Variants in SLC39A3 observed in about 807,000 individuals in gnomAD.
SLC39A3 encodes the protein solute carrier family 39 member 3, also known as zinc transporter ZIP3.
Under a neutral mutation model 5.1 loss-of-function variants are expected in SLC39A3, and 3 were observed. The observed-to-expected ratio is 0.59, with a 90% CI of 0.27 to 1.54. SLC39A3 has a LOEUF of 1.54. Among genes scored for constraint, SLC39A3 ranks in the 40% most tolerant of loss-of-function variants. The probability of loss-of-function intolerance (pLI) is 0.12; values close to 1 mark genes in which losing one functional copy is unlikely to be tolerated. For missense variants in SLC39A3, 412 were observed against 436.4 expected (o/e 0.94, Z 0.50); for synonymous variants, 250 against 218.8 (o/e 1.14, Z -1.26).
chr19:2,732,844 C>T lies in SLC39A3; in HGVS notation c.852G>A (p.Lys284=), dbSNP rs765104413. The change falls in exon 3 of 3, where the codon AAG becomes AAA. Residue 284 remains lysine (K), a synonymous_variant. Transcript: ENST00000269740. The stretch of plus-strand genomic sequence containing the variant: ...GACGGTCACTCTTCTCCTCCAGCTC[C>T]TTGGCCAGGATCTCCAGGAAGGTGA... The part of the protein sequence containing the change: ...LFITFLEILA[K]ELEEKSDRLL... 26 of 1,611,960 alleles carry T rather than the reference C, an allele frequency of 1.6e-5. No homozygotes were observed. The highest frequency in any genetic ancestry group is 2.2e-5 in the Non-Finnish European group (26 of 1,179,448).
In SLC39A3 at chr19:2,733,042, G is replaced by A. The variant is rs1486120310; in HGVS notation, c.654C>T (p.Ser218=). The A allele has an allele frequency of 1.2e-6, 2 of 1,609,460 alleles. No homozygotes were observed. The highest frequency in any genetic ancestry group is 1.7e-5 in the Admixed American group (1 of 59,724). Residue 218 remains serine, a synonymous_variant, in exon 3 of 3, where the codon AGC becomes AGT. Coordinates refer to ENST00000269740, the MANE Select transcript of SLC39A3 (RefSeq NM_144564.5). This position sits in a 1 kb window ranked among gnomAD's most constrained non-coding sequence, Gnocchi z 6.1. ...ETLVAVALGI[S]MARSAMPLRD... Reference sequence around the variant, plus strand: ...GCAGGGGCATGGCACTCCGGGCCATGCTGATGCCCAGGGCCACGGCCACCA... The same window carrying A: ...GCAGGGGCATGGCACTCCGGGCCATACTGATGCCCAGGGCCACGGCCACCA...
rs1456897282 is a variant in SLC39A3, at chr19:2,737,068, G to A, written c.190C>T (p.Leu64=). The change falls in exon 2 of 3, where the codon CTG becomes TTG. Residue 64 remains leucine (L), a synonymous_variant. Transcript: ENST00000269740. ...CTTACCTTTTCCCTCACAGCGGGCA[G>A]CAGAGCGTTGAAGCACGTGGCCAGA... The part of the protein sequence containing the change: ...VFLATCFNAL[L]PAVREKLQKV... The A allele has an allele frequency of 1.2e-6, 2 of 1,614,156 alleles. No homozygotes were observed.
upstream of SLC39A3, chr19:2,740,044 C>G (rs1232701500): frequency 6.6e-6 from 1 of 152,282 alleles, no homozygotes; most frequent in African/African-American, 2.4e-5. Context: ...CCGCTCGGCG[C>G]GGCTGGTCCA....
intron 1 of SLC39A3, chr19:2,739,610 T>G (rs1379624721): frequency 6.6e-6 from 1 of 152,216 alleles, no homozygotes; most frequent in Admixed American, 6.5e-5. Context: ...GACCAGGCTG[T>G]CTGTCTTGCT....
In SLC39A3 at chr19:2,739,949, C is replaced by G. The variant is rs974782442; in HGVS notation, c.-127G>C. The G allele has an allele frequency of 6.6e-6, 1 of 152,440 alleles. No individual in the cohort carries two copies. Among genetic ancestry groups the G allele is most frequent in the East Asian group, 1.9e-4 (1 of 5,210 alleles). The allele number at this position is 152,440 out of a possible 1,614,324, so 9.4% of individuals were successfully genotyped here. A position where few individuals can be genotyped will look rare whatever the true frequency, so the allele number is the denominator to read the frequency against. ...CCTCTCTCTGCCCGCACCTACCTCC[C>G]GGGGGCCCCTCGTCCGCCGACTGGC... On this transcript the variant is annotated 5_prime_UTR_variant, in exon 1 of 3. Transcript: ENST00000269740.
rs1219050709 is a variant in SLC39A3 at position 2,732,529 on chromosome 19, TA to T, written c.*221del. 7.0e-7 allele frequency: 1 copy of T among 1,430,606 alleles called. No homozygotes were observed. Among genetic ancestry groups the T allele is most frequent in the Non-Finnish European group, 9.1e-7 (1 of 1,097,248 alleles). The allele number at this position is 1,430,606 out of a possible 1,614,324, so 88.6% of individuals were successfully genotyped here. ...GGTTGACATGGCCACACAGCTTTGG[TA>T]AAGACTTTTAAGAGAAAGAAGTATT... On this transcript the variant is annotated 3_prime_UTR_variant, in exon 3 of 3. Transcript: ENST00000269740.
In SLC39A3 at chr19:2,737,111, G is replaced by T; in HGVS notation, c.147C>A (p.Thr49=). ...RSKKILSLCN[T]FGGGVFLATC... ...TGGCCAGAAACACCCCTCCTCCAAA[G>T]GTGTTGCAGAGAGAGAGGATCTTTT... Residue 49 remains threonine, a synonymous_variant, in exon 2 of 3, where the codon ACC becomes ACA. Coordinates refer to ENST00000269740, the MANE Select transcript of SLC39A3 (RefSeq NM_144564.5). 6.2e-7 allele frequency: 1 copy of T among 1,614,160 alleles called. No homozygotes were observed.
rs773841412 is a variant in SLC39A3, at chr19:2,737,263, C to T, written c.-6G>A. The stretch of plus-strand genomic sequence containing the variant: ...GCCACTAGCAATTTCACCATGGTGG[C>T]GGCTTGGGCTGCTCTGGTCACTGCA... On this transcript the variant is annotated 5_prime_UTR_variant, in exon 2 of 3. Transcript: ENST00000269740. The T allele has an allele frequency of 2.9e-5, 47 of 1,607,534 alleles. No individual in the cohort carries two copies. The highest frequency in any genetic ancestry group is 5.3e-5 in the African/African-American group (4 of 74,776).
rs1437331617 is a variant in SLC39A3 at position 2,735,791 on chromosome 19, C to A, written c.210+1257G>T. 1 of 977,056 alleles carries A rather than the reference C, an allele frequency of 1.0e-6. No individual in the cohort carries two copies. The highest frequency in any genetic ancestry group is 1.2e-6 in the Non-Finnish European group (1 of 822,398). 60.5% of individuals were successfully genotyped at this position (977,056 alleles called of 1,614,324 possible). A position where few individuals can be genotyped will look rare whatever the true frequency, so the allele number is the denominator to read the frequency against. On this transcript the variant is annotated intron_variant, in intron 2 of 2. Coordinates refer to ENST00000269740, the MANE Select transcript of SLC39A3 (RefSeq NM_144564.5). This position sits in a 1 kb window ranked among gnomAD's most constrained non-coding sequence, Gnocchi z 5.7. ...GAGCATGGGGCGTGCGGAGCAGGGGCTGGAAGCTCAGGGAGCCACCCTGGA... is the reference window on the plus strand; with the variant it reads ...GAGCATGGGGCGTGCGGAGCAGGGGATGGAAGCTCAGGGAGCCACCCTGGA...
At position 2,734,800 on chromosome 19, in the gene SLC39A3, C is replaced by T; in HGVS notation, c.211-1315G>A. Reference sequence around the variant, plus strand: ...TTCCACGGAGAAGCCACTTAACTCCCTCACTGACCACCGGCTGGAGGCCTC... The same window carrying T: ...TTCCACGGAGAAGCCACTTAACTCCTTCACTGACCACCGGCTGGAGGCCTC... On this transcript the variant is annotated intron_variant, in intron 2 of 2. Coordinates refer to ENST00000269740, the MANE Select transcript of SLC39A3 (RefSeq NM_144564.5). This position sits in a 1 kb window ranked among gnomAD's most constrained non-coding sequence, Gnocchi z 4.6. 2 of 985,478 alleles carry T rather than the reference C, an allele frequency of 2.0e-6. No individual in the cohort carries two copies. The highest frequency in any genetic ancestry group is 2.4e-6 in the Non-Finnish European group (2 of 829,964). The allele number at this position is 985,478 out of a possible 1,614,324, so 61.0% of individuals were successfully genotyped here. A position where few individuals can be genotyped will look rare whatever the true frequency, so the allele number is the denominator to read the frequency against.
chr19:2,734,620 A>C lies in SLC39A3; in HGVS notation c.211-1135T>G. 2.1e-6 allele frequency: 1 copy of C among 473,658 alleles called. No homozygotes were observed. The highest frequency in any genetic ancestry group is 2.8e-6 in the Non-Finnish European group (1 of 362,212). 29.3% of individuals were successfully genotyped at this position (473,658 alleles called of 1,614,324 possible). On this transcript the variant is annotated intron_variant, in intron 2 of 2. Coordinates refer to ENST00000269740, the MANE Select transcript of SLC39A3 (RefSeq NM_144564.5). The surrounding 1 kb of genome is among the most constrained non-coding windows in gnomAD (Gnocchi z 4.6). ...TCTCTGGGACGGGGCCGTCCTGGGC[A>C]CTGCAGGGTGCTGCTGAGCAGTGTC... is the stretch of plus-strand genomic sequence containing the variant.
Position 2,734,834 on chromosome 19 carries a change from C to T in SLC39A3, c.211-1349G>A. On this transcript the variant is annotated intron_variant, in intron 2 of 2. Transcript: ENST00000269740. This position sits in a 1 kb window ranked among gnomAD's most constrained non-coding sequence, Gnocchi z 4.6. Reference sequence around the variant, plus strand: ...CACCGGCTGGAGGCCTCATGCATGCCTCGCTTGAGGACAAGCTCATGAGGA... The same window carrying T: ...CACCGGCTGGAGGCCTCATGCATGCTTCGCTTGAGGACAAGCTCATGAGGA... 3.0e-6 allele frequency: 3 copies of T among 985,482 alleles called. No homozygotes were observed. Among genetic ancestry groups the T allele is most frequent in the Non-Finnish European group, 3.6e-6 (3 of 829,956 alleles). 61.0% of individuals were successfully genotyped at this position (985,482 alleles called of 1,614,324 possible). A position where few individuals can be genotyped will look rare whatever the true frequency, so the allele number is the denominator to read the frequency against.
Position 2,737,113 on chromosome 19 carries a change from T to C in SLC39A3, c.145A>G (p.Thr49Ala), listed in dbSNP as rs755565951. The part of the protein sequence containing the change: ...RSKKILSLCN[T>A]FGGGVFLATC... ...GCCAGAAACACCCCTCCTCCAAAGG[T>C]GTTGCAGAGAGAGAGGATCTTTTTC... The change falls in exon 2 of 3, where the codon ACC (threonine) becomes GCC (alanine). Residue 49 changes from threonine (T) to alanine (A), a missense_variant. Transcript: ENST00000269740. The C allele has an allele frequency of 1.9e-6, 3 of 1,613,966 alleles. No homozygotes were observed. The African/African-American group carries it at 4.0e-5, about 22-fold the overall frequency.
rs987340135 is a variant in SLC39A3, at chr19:2,732,596, G to A, written c.*155C>T. ...GCTCTGAGGCTCAGGGTGTAGGATC[G>A]GGGGCACAGCCTGGTCCCGGGAGGC... On this transcript the variant is annotated 3_prime_UTR_variant, in exon 3 of 3. Coordinates refer to ENST00000269740, the MANE Select transcript of SLC39A3 (RefSeq NM_144564.5). 8.2e-6 allele frequency: 11 copies of A among 1,335,792 alleles called. No individual in the cohort carries two copies. Among genetic ancestry groups the A allele is most frequent in the East Asian group, 5.4e-5 (2 of 36,884 alleles). The allele number at this position is 1,335,792 out of a possible 1,614,324, so 82.7% of individuals were successfully genotyped here.
In SLC39A3 at chr19:2,737,561, A is replaced by T. The variant is rs111764923; in HGVS notation, c.-122-182T>A. On this transcript the variant is annotated intron_variant, in intron 1 of 2. Coordinates refer to ENST00000269740, the MANE Select transcript of SLC39A3 (RefSeq NM_144564.5). Reference sequence around the variant, plus strand: ...GCTGGGATTACAGACACGCGCCACCACTCCCAGCTAATTTTTTTTGTATTT... The same window carrying T: ...GCTGGGATTACAGACACGCGCCACCTCTCCCAGCTAATTTTTTTTGTATTT... 1.5e-3 allele frequency: 502 copies of T among 334,480 alleles called. 3 individuals carry two copies. Among genetic ancestry groups the T allele is most frequent in the Middle Eastern group, 8.1e-3 (9 of 1,116 alleles). The allele number at this position is 334,480 out of a possible 1,614,324, so 20.7% of individuals were successfully genotyped here. A position where few individuals can be genotyped will look rare whatever the true frequency, so the allele number is the denominator to read the frequency against.
rs1006415381 is a variant in SLC39A3, at chr19:2,734,886, G to T, written c.211-1401C>A. On this transcript the variant is annotated intron_variant, in intron 2 of 2. Transcript: ENST00000269740. This position sits in a 1 kb window ranked among gnomAD's most constrained non-coding sequence, Gnocchi z 4.6. The stretch of plus-strand genomic sequence containing the variant: ...CTCTAGCTACTCCCAAGAGACAGAC[G>T]TTGATCAGGAGAGATGAGGCAGATG... The T allele has an allele frequency of 3.8e-5, 37 of 985,376 alleles. No individual in the cohort carries two copies. Among genetic ancestry groups the T allele is most frequent in the Non-Finnish European group, 4.3e-5 (36 of 829,964 alleles). 61.0% of individuals were successfully genotyped at this position (985,376 alleles called of 1,614,324 possible).
Position 2,735,976 on chromosome 19 carries a change from C to G in SLC39A3, c.210+1072G>C. On this transcript the variant is annotated intron_variant, in intron 2 of 2. Transcript: ENST00000269740. The surrounding 1 kb of genome is among the most constrained non-coding windows in gnomAD (Gnocchi z 5.7). ...GTTGGGAGGAAGAACAGGGGGTCCT[C>G]ATATCTCCACCAAGTATGTAACCAA... is the stretch of plus-strand genomic sequence containing the variant. 2.0e-6 allele frequency: 2 copies of G among 985,464 alleles called. No individual in the cohort carries two copies. Among genetic ancestry groups the G allele is most frequent in the Non-Finnish European group, 2.4e-6 (2 of 829,962 alleles). The allele number at this position is 985,464 out of a possible 1,614,324, so 61.0% of individuals were successfully genotyped here.
chr19:2,733,115 C>A lies in SLC39A3; in HGVS notation c.581G>T (p.Gly194Val). The change falls in exon 3 of 3, where the codon GGG becomes GTG. Residue 194 changes from glycine (G) to valine (V), a missense_variant. By Grantham distance (109) the Gly-to-Val change is moderately radical. Coordinates refer to ENST00000269740, the MANE Select transcript of SLC39A3 (RefSeq NM_144564.5). This position sits in a 1 kb window ranked among gnomAD's most constrained non-coding sequence, Gnocchi z 6.1. ...CACGAACAGGCTCACCACTTTCTCC[C>A]CCTCCTCCTGCAGGCCCAGGGCCAG... ...EGLALGLQEE[G>V]EKVVSLFVGV... is the part of the protein sequence containing the mutation. 6.2e-7 allele frequency: 1 copy of A among 1,610,896 alleles called. No individual in the cohort carries two copies. Among genetic ancestry groups the A allele is most frequent in the Non-Finnish European group, 8.5e-7 (1 of 1,179,148 alleles).
intron 2 of SLC39A3, chr19:2,736,329 C>T (rs771283076): frequency 3.4e-5 from 10 of 294,526 alleles, no homozygotes; most frequent in Non-Finnish European, 4.5e-5. Context: ...TACCCTGTCA[C>T]CTCTGCATGA....
Sources: allele counts gnomAD v4.1 joint callset, GRCh38; gene constraint gnomAD v4.1.1; non-coding constraint Gnocchi (gnomAD v3.1); transcripts MANE v1.5; gene names NCBI Gene and HGNC (gene_info 2026-07-23, HGNC 2026-07-21).